The following OVCH1 variants were observed in gnomAD, a reference collection of about 807,000 sequenced individuals.
The protein encoded by OVCH1 is ovochymase-1.
A neutral mutation model predicts 138.4 loss-of-function variants in OVCH1; 139 were observed. That is an observed-to-expected ratio of 1.00 (90% CI 0.87 to 1.16). The LOEUF (loss-of-function observed/expected upper bound fraction) is 1.16. OVCH1 is among the 50% of genes most tolerant of loss of function. The pLI is 0.00. For synonymous variants in OVCH1, 453 were observed against 467.8 expected, an observed-to-expected ratio of 0.97 and a Z score of 0.41; for missense variants, 1,367 against 1,357.9, an observed-to-expected ratio of 1.01 and a Z score of -0.11.
At chr12:29,444,316 A>G in intron 23 of OVCH1, 36 bp from the exon 24 acceptor site, 1 of 1,597,200 alleles carries the variant, frequency 6.3e-7, no homozygotes, top group Non-Finnish European at 8.6e-7. Context: ...TGAGAATAAA[A>G]CCAATTTTTA....
intron 3 of OVCH1, among the ~76,000 whole-genome samples, chr12:29,415,475 G>A (rs1941020643): frequency 6.6e-6 from 1 of 152,124 alleles, no homozygotes; most frequent in Admixed American, 6.5e-5. Context: ...CCACTGCTAG[G>A]TTCAGGAAGG....
At chr12:29,457,362 T>C (rs967447909) in intron 19 of OVCH1, among the ~76,000 whole-genome samples, 2 of 150,168 alleles carry the variant, frequency 1.3e-5, no homozygotes, top group African/African-American at 4.9e-5. Flanking sequence ...GTCCAGTCCA[T>C]AGTAAATATT....
At chr12:29,485,978 AAATAAAT>A (rs1943093216) in intron 8 of OVCH1, among the ~76,000 whole-genome samples, 1 of 75,126 alleles carries the variant, frequency 1.3e-5, no homozygotes, top group African/African-American at 8.1e-5. Flanking sequence ...TAAAATAAAT[AAATAAAT>A]AAATAAATAA....
chr12:29,433,720 A>T, intron 27 of OVCH1: 1 of 1,410,030 alleles, frequency 7.1e-7, no homozygotes, highest in African/African-American at 1.5e-5. Flanking sequence ...ATTTTTTTCT[A>T]TTTTATGTTA....
chr12:29,454,708 G>T (rs1941895822), intron 21 of OVCH1, 133 bp downstream of exon 21: 1 of 731,828 alleles, frequency 1.4e-6, no homozygotes, highest in Non-Finnish European at 2.2e-6. Flanking sequence ...CCCACTTTCA[G>T]CTAAAACTAC....
intron 25 of OVCH1, among the ~76,000 whole-genome samples, chr12:29,441,271 G>A (rs918550165): frequency 1.3e-5 from 2 of 152,112 alleles, no homozygotes; most frequent in East Asian, 1.9e-4. Context: ...CCAAAACAGA[G>A]ATATAGATCA....
chr12:29,473,219 C>A (rs1028776055), intron 14 of OVCH1, 116 bp from the exon 15 acceptor site: 1 of 660,288 alleles, frequency 1.5e-6, no homozygotes, highest in East Asian at 2.8e-5. Flanking sequence ...CTAACACTAC[C>A]ATTCATACAC....
chr12:29,477,532 T>TA (rs1942783637), intron 10 of OVCH1, 54 bp from the exon 11 acceptor site: 1 of 1,613,880 alleles, frequency 6.2e-7, no homozygotes. Flanking sequence ...GGTGGAAACT[T>TA]ACACGTTTGT....
At chr12:29,485,155 G>T (rs945223052) in intron 8 of OVCH1, among the ~76,000 whole-genome samples, 2 of 151,912 alleles carry the variant, frequency 1.3e-5, no homozygotes, top group African/African-American at 4.8e-5. Flanking sequence ...TGCATCACTT[G>T]AGGTCGGGAG....
chr12:29,497,605 C>A lies in OVCH1; in HGVS notation c.64+18G>T, dbSNP rs2136106198. ...TCAGCCTCCTCCGCAGTCCTGGTGC[C>A]CAGGTCCCTAGGCTCACCTAGGCTT... On this transcript the variant is annotated intron_variant, in intron 1 of 27. Coordinates refer to ENST00000318184, the Ensembl canonical transcript of OVCH1. 6.2e-7 allele frequency: 1 copy of A among 1,613,392 alleles called. No individual in the cohort carries two copies. Among genetic ancestry groups the A allele is most frequent in the East Asian group, 2.2e-5 (1 of 44,830 alleles).
intron 19 of OVCH1, among the ~76,000 whole-genome samples, chr12:29,460,460 A>C (rs1238965175): frequency 6.6e-6 from 1 of 152,066 alleles, no homozygotes; most frequent in Non-Finnish European, 1.5e-5. Flanking sequence ...CGTATTCCTC[A>C]CATCTTCCAG....
exon 20 of OVCH1, chr12:29,455,330 C>A (rs779888545): frequency 6.2e-7 from 1 of 1,613,788 alleles, no homozygotes; most frequent in South Asian, 1.1e-5. Context: ...ACACAGCCAG[C>A]TCCCCAGCTG....
At chr12:29,409,371 A>G (rs77112355), downstream of OVCH1, among the ~76,000 whole-genome samples, 46,898 of 151,412 alleles carry the variant, frequency 0.31, 8,561 homozygotes, top group Middle Eastern at 0.52. Flanking sequence ...ATTTGCTCTT[A>G]CTTTTCTAGT....
At chr12:29,439,379 T>C (rs1941427363) in exon 26 of OVCH1, 1 of 1,570,996 alleles carries the variant, frequency 6.4e-7, no homozygotes, top group African/African-American at 1.4e-5. Context: ...AATTCAGTTT[T>C]TCTCTTTTTA....
At position 29,487,109 on chromosome 12, in the gene OVCH1, G is replaced by A. The variant is rs186994958; in HGVS notation, c.892+584C>T. 4.2e-5 allele frequency: 11 copies of A among 264,482 alleles called. No homozygotes were observed. The East Asian group carries it at 1.1e-3, about 26-fold the overall frequency. The allele number at this position is 264,482 out of a possible 1,614,324, so 16.4% of individuals were successfully genotyped here. On this transcript the variant is annotated intron_variant, in intron 7 of 27. Transcript: ENST00000318184. ...AGGATGGAGAGAGCACTATGTTCTG[G>A]GGCTCTGGGTCTTGTCATTTTAAAA...
intron 8 of OVCH1, among the ~76,000 whole-genome samples, 108 bp from the exon 9 acceptor site, chr12:29,484,908 C>T (rs1004918844): frequency 1.3e-5 from 2 of 152,004 alleles, no homozygotes; most frequent in African/African-American, 2.4e-5. Flanking sequence ...GTCATTTCAT[C>T]GATATTTATG....
At chr12:29,443,578 G>C in intron 24 of OVCH1, 78 bp from the exon 25 acceptor site, 1 of 1,365,354 alleles carries the variant, frequency 7.3e-7, no homozygotes, top group Non-Finnish European at 9.8e-7. Flanking sequence ...AGAAATTAAT[G>C]CATCAATGTT....
intron 20 of OVCH1, among the ~76,000 whole-genome samples, 156 bp downstream of exon 20, chr12:29,455,093 T>G (rs1592059881): frequency 6.6e-6 from 1 of 152,194 alleles, no homozygotes. Flanking sequence ...TGGGAGAACT[T>G]ATTTTGCAGA....
rs1054140941 is a variant in OVCH1 at position 29,472,523 on chromosome 12, C to T, written c.1675+506G>A. On this transcript the variant is annotated intron_variant, in intron 15 of 27. Transcript: ENST00000318184. ...GCCCAAGCACTAATCTCTAGGAAGC[C>T]TTCTCCAACCCTCCAGCAACAGGCA... Among the ~76,000 whole-genome samples, 8 of 152,158 alleles carry T rather than the reference C, an allele frequency of 5.3e-5. No individual in the cohort carries two copies. In the South Asian group the frequency reaches 8.3e-4, roughly 16 times the overall value.
Sources: gnomAD v4.1 joint callset for allele counts (sites outside exome capture counted in the v4.1 genomes callset) on GRCh38, gnomAD v4.1.1 for gene constraint, MANE v1.5 for transcripts, NCBI Gene and HGNC (gene_info 2026-07-23, HGNC 2026-07-21) for gene names.